The following TRMU variants were observed in gnomAD, a reference collection of about 807,000 sequenced individuals.
The protein encoded by TRMU is mitochondrial tRNA-specific 2-thiouridylase 1.
In TRMU, 49 loss-of-function variants were observed where a neutral mutation model predicts 46.9. The observed-to-expected ratio is 1.05, with a 90% CI of 0.83 to 1.33. The LOEUF is 1.33. Among genes scored for constraint, TRMU ranks in the 40% most tolerant of loss-of-function variants. The pLI is 0.00. For missense variants in TRMU, 572 were observed against 532.4 expected, an observed-to-expected ratio of 1.07 and a Z score of -0.73; for synonymous variants, 241 against 200.9, an observed-to-expected ratio of 1.20 and a Z score of -1.69.
chr22:46,342,653 T>A lies in TRMU; in HGVS notation c.249-609T>A, dbSNP rs919295408. 9.9e-5 allele frequency among the ~76,000 whole-genome samples: 15 copies of A among 151,976 alleles called. No homozygotes were observed. The highest frequency in any genetic ancestry group is 1.8e-4 in the Non-Finnish European group (12 of 67,962). On this transcript the variant is annotated intron_variant, in intron 2 of 10. Transcript: ENST00000645190. This position sits in a 1 kb window ranked among gnomAD's most constrained non-coding sequence, Gnocchi z 4.7. Reference sequence around the variant, plus strand: ...GCAACATGGCAAGACCTCATCTCTATAAAAAAAGAAAAGGTTGCAGTGGGC... The same window carrying A: ...GCAACATGGCAAGACCTCATCTCTAAAAAAAAAGAAAAGGTTGCAGTGGGC...
At position 46,355,544 on chromosome 22, in the gene TRMU, A is replaced by G. The variant is rs762664546; in HGVS notation, c.974A>G (p.Lys325Arg). 2.5e-6 allele frequency: 4 copies of G among 1,613,330 alleles called. No homozygotes were observed. In the South Asian group the frequency reaches 3.3e-5, roughly 13 times the overall value. Residue 325 changes from lysine to arginine, a missense_variant, in exon 9 of 11, where the codon AAG becomes AGG. By Grantham distance (26) the Lys-to-Arg change is conservative. Transcript: ENST00000645190. ...CCTCCCGCAGCACTGGTCCGGGACA[A>G]GATGATGGAGTGCCACTTCCGATTC... ...EEPPAALVRD[K>R]MMECHFRFRH...
Position 46,336,070 on chromosome 22 carries a change from T to G in TRMU, c.82+224T>G. 3 of 1,379,642 alleles carry G rather than the reference T, an allele frequency of 2.2e-6. No homozygotes were observed. Among genetic ancestry groups the G allele is most frequent in the Non-Finnish European group, 1.9e-6 (2 of 1,069,662 alleles). 85.5% of individuals were successfully genotyped at this position (1,379,642 alleles called of 1,614,324 possible). On this transcript the variant is annotated intron_variant, in intron 1 of 10. Transcript: ENST00000645190. The surrounding 1 kb of genome is among the most constrained non-coding windows in gnomAD (Gnocchi z 4.1). ...TGCAGCTCCGACTACCTGGGAGCAG[T>G]TCCGCGCCCCTCTCCACCCACGCGC... is the stretch of plus-strand genomic sequence containing the variant.
chr22:46,343,234 G>A (rs2078168846), intron 2 of TRMU, 28 bp from the exon 3 acceptor site: 2 of 1,468,408 alleles, frequency 1.4e-6, no homozygotes, highest in Non-Finnish European at 1.9e-6. Context: ...TTCACACTTG[G>A]AACTGAAGTC....
Position 46,355,430 on chromosome 22 carries a change from A to T in TRMU, c.874-14A>T. ...TGCCCCTCGGCGTCCCCACCTTCAC[A>T]TTCCATTCTGCAGGCCCCCCGGACA... On this transcript the variant is annotated splice_polypyrimidine_tract_variant and intron_variant, in intron 8 of 10. Coordinates refer to ENST00000645190, the MANE Select transcript of TRMU (RefSeq NM_018006.5). 6.2e-7 allele frequency: 1 copy of T among 1,612,460 alleles called. No homozygotes were observed.
intron 3 of TRMU, among the ~76,000 whole-genome samples, chr22:46,345,322 A>G (rs937889310): frequency 1.3e-5 from 2 of 152,118 alleles, no homozygotes; most frequent in African/African-American, 4.8e-5. Flanking sequence ...ATCCACCCAC[A>G]TCGGCCTCCT....
At position 46,352,649 on chromosome 22, in the gene TRMU, T is replaced by C. The variant is rs78934865; in HGVS notation, c.772+319T>C. The C allele has an allele frequency of 5.2e-3, 2,345 of 448,302 alleles. 11 individuals carry two copies. Among genetic ancestry groups the C allele is most frequent in the Non-Finnish European group, 7.3e-3 (1,753 of 241,172 alleles). 27.8% of individuals were successfully genotyped at this position (448,302 alleles called of 1,614,324 possible). A position where few individuals can be genotyped will look rare whatever the true frequency, so the allele number is the denominator to read the frequency against. Reference sequence around the variant, plus strand: ...TGATTTCCTTCCTGTGTAAGGAAAATGTTAAACTACACAAAACTCCACTCT... The same window carrying C: ...TGATTTCCTTCCTGTGTAAGGAAAACGTTAAACTACACAAAACTCCACTCT... On this transcript the variant is annotated intron_variant, in intron 7 of 10. Coordinates refer to ENST00000645190, the MANE Select transcript of TRMU (RefSeq NM_018006.5).
rs939315244 is a variant in TRMU, at chr22:46,342,143, G to A, written c.249-1119G>A. ...AGGTTGGGGGTTCAGTCCCCCAGAC[G>A]GACTCCCCCCACAACAGCAGTCGAA... On this transcript the variant is annotated intron_variant, in intron 2 of 10. Coordinates refer to ENST00000645190, the MANE Select transcript of TRMU (RefSeq NM_018006.5). This position sits in a 1 kb window ranked among gnomAD's most constrained non-coding sequence, Gnocchi z 4.7. Among the ~76,000 whole-genome samples, 4 of 152,140 alleles carry A rather than the reference G, an allele frequency of 2.6e-5. No homozygotes were observed. Among genetic ancestry groups the A allele is most frequent in the South Asian group, 2.1e-4 (1 of 4,826 alleles).
At chr22:46,355,823 A>T in intron 9 of TRMU, 167 bp from the exon 10 acceptor site, 1 of 993,590 alleles carries the variant, frequency 1.0e-6, no homozygotes, top group Non-Finnish European at 1.5e-6. Context: ...AAGTGTGTAC[A>T]CTGCCCCGCA....
rs746941484 is a variant in TRMU, at chr22:46,338,138, C to T, written c.248+194C>T. On this transcript the variant is annotated intron_variant, in intron 2 of 10. Coordinates refer to ENST00000645190, the MANE Select transcript of TRMU (RefSeq NM_018006.5). The surrounding 1 kb of genome is among the most constrained non-coding windows in gnomAD (Gnocchi z 4.5). Reference sequence around the variant, plus strand: ...GAGGCGAGGCCTGGACCCCACAGCACACCCAGCTCTCTCACTCCTGTCATT... The same window carrying T: ...GAGGCGAGGCCTGGACCCCACAGCATACCCAGCTCTCTCACTCCTGTCATT... 2 of 661,256 alleles carry T rather than the reference C, an allele frequency of 3.0e-6. No individual in the cohort carries two copies. Among genetic ancestry groups the T allele is most frequent in the Non-Finnish European group, 5.3e-6 (2 of 379,334 alleles). The allele number at this position is 661,256 out of a possible 1,614,324, so 41.0% of individuals were successfully genotyped here.
chr22:46,335,832 T>TGCTGAGGCGGAGAGGTGAGGCG lies in TRMU; in HGVS notation c.69_82+8dup, dbSNP rs762043327. 8 of 1,553,118 alleles carry TGCTGAGGCGGAGAGGTGAGGCG rather than the reference T, an allele frequency of 5.2e-6. No homozygotes were observed. The South Asian group carries it at 7.0e-5, about 14-fold the overall frequency. On this transcript the variant is annotated frameshift_variant, in exon 1 of 11. Coordinates refer to ENST00000645190, the MANE Select transcript of TRMU (RefSeq NM_018006.5). LOFTEE classifies it high-confidence loss of function. ...GTGGACAGCGCCGTGGCCGCGCTGC[T>TGCTGAGGCGGAGAGGTGAGGCG]GCTGAGGCGGAGAGGTGAGGCGTCC... is the stretch of plus-strand genomic sequence containing the variant.
chr22:46,340,150 TG>T (rs1194514199), intron 2 of TRMU, among the ~76,000 whole-genome samples: 2 of 152,158 alleles, frequency 1.3e-5, no homozygotes, highest in Non-Finnish European at 2.9e-5. Context: ...GACCGAGGTC[TG>T]GGGGCGGCCC....
At chr22:46,345,586 T>A (rs568304762) in intron 3 of TRMU, among the ~76,000 whole-genome samples, 92 of 152,192 alleles carry the variant, frequency 6.0e-4, no homozygotes, top group African/African-American at 2.1e-3. Flanking sequence ...GACCTGAGAT[T>A]TTTCTTCAAC....
Position 46,351,364 on chromosome 22 carries a change from C to A in TRMU, c.652-757C>A, listed in dbSNP as rs959834721. On this transcript the variant is annotated intron_variant, in intron 5 of 10. Coordinates refer to ENST00000645190, the MANE Select transcript of TRMU (RefSeq NM_018006.5). This position sits in a 1 kb window ranked among gnomAD's most constrained non-coding sequence, Gnocchi z 6.4. The stretch of plus-strand genomic sequence containing the variant: ...GAGTGTTGGCGGAACTAGGATGAAG[C>A]CCGTGGGAGGGCCTTGGGGATGGAG... Among the ~76,000 whole-genome samples the A allele has an allele frequency of 6.6e-6, 1 of 152,172 alleles. No individual in the cohort carries two copies. Among genetic ancestry groups the A allele is most frequent in the Non-Finnish European group, 1.5e-5 (1 of 68,016 alleles).
At position 46,347,677 on chromosome 22, in the gene TRMU, C is replaced by T. The variant is rs1267394419; in HGVS notation, c.478+1133C>T. ...ACACGTTTCACATCACTCCTCTTAG[C>T]AGTCCATGAGGTGTATGCTCTCATC... On this transcript the variant is annotated intron_variant, in intron 4 of 10. Coordinates refer to ENST00000645190, the MANE Select transcript of TRMU (RefSeq NM_018006.5). The surrounding 1 kb of genome is among the most constrained non-coding windows in gnomAD (Gnocchi z 5.0). 6.6e-6 allele frequency among the ~76,000 whole-genome samples: 1 copy of T among 152,198 alleles called. No individual in the cohort carries two copies. Among genetic ancestry groups the T allele is most frequent in the Admixed American group, 6.5e-5 (1 of 15,282 alleles).
Position 46,350,399 on chromosome 22 carries a change from C to A in TRMU, c.587C>A (p.Thr196Lys), listed in dbSNP as rs755416025. The A allele has an allele frequency of 2.5e-6, 4 of 1,614,044 alleles. No individual in the cohort carries two copies. The South Asian group carries it at 3.3e-5, about 13-fold the overall frequency. The change falls in exon 5 of 11, where the codon ACG (threonine) becomes AAG (lysine). Residue 196 changes from threonine (T) to lysine (K), a missense_variant. By Grantham distance (78) the Thr-to-Lys change is moderately conservative. Coordinates refer to ENST00000645190, the MANE Select transcript of TRMU (RefSeq NM_018006.5). This position sits in a 1 kb window ranked among gnomAD's most constrained non-coding sequence, Gnocchi z 4.6. ...ACCATCTTCCCTCTGGGGGGATTAA[C>A]GAAAGAGTTTGTAAAGAAAATCGCT... The part of the protein sequence containing the change: ...RRTIFPLGGL[T>K]KEFVKKIAAE...
In TRMU at chr22:46,337,793, G is replaced by T; in HGVS notation, c.97G>T (p.Gly33Trp). The T allele has an allele frequency of 6.2e-7, 1 of 1,614,184 alleles. No homozygotes were observed. Among genetic ancestry groups the T allele is most frequent in the Non-Finnish European group, 8.5e-7 (1 of 1,180,012 alleles). ...CCCGCCCGCAGGTTACCAGGTGACA[G>T]GGGTGTTTATGAAGAACTGGGACTC... Reference protein sequence around the residue: ...LLRRRGYQVTGVFMKNWDSLD... With the variant: ...LLRRRGYQVTWVFMKNWDSLD... The change falls in exon 2 of 11, where the codon GGG becomes TGG. Residue 33 changes from glycine to tryptophan, a missense_variant. By Grantham distance (184) the Gly-to-Trp change is radical. Coordinates refer to ENST00000645190, the MANE Select transcript of TRMU (RefSeq NM_018006.5).
chr22:46,338,096 C>A lies in TRMU; in HGVS notation c.248+152C>A. 9.5e-7 allele frequency: 1 copy of A among 1,053,232 alleles called. No individual in the cohort carries two copies. The highest frequency in any genetic ancestry group is 2.4e-5 in the East Asian group (1 of 40,832). 65.2% of individuals were successfully genotyped at this position (1,053,232 alleles called of 1,614,324 possible). ...AAGACTGCAAGAGGCCTCAGCCACC[C>A]TCGGGGCTCTGTGTTAGAGGCGAGG... On this transcript the variant is annotated intron_variant, in intron 2 of 10. Coordinates refer to ENST00000645190, the MANE Select transcript of TRMU (RefSeq NM_018006.5). The surrounding 1 kb of genome is among the most constrained non-coding windows in gnomAD (Gnocchi z 4.5).
rs936018029 is a variant in TRMU, at chr22:46,339,975, A to G, written c.248+2031A>G. Among the ~76,000 whole-genome samples, 2 of 151,810 alleles carry G rather than the reference A, an allele frequency of 1.3e-5. No individual in the cohort carries two copies. Among genetic ancestry groups the G allele is most frequent in the African/African-American group, 2.4e-5 (1 of 41,306 alleles). ...AGTGTGGCGGCCAAATACAGGATAA[A>G]TCTGGGGGAAGACCAAAGGCAGAGA... On this transcript the variant is annotated intron_variant, in intron 2 of 10. Coordinates refer to ENST00000645190, the MANE Select transcript of TRMU (RefSeq NM_018006.5). This position sits in a 1 kb window ranked among gnomAD's most constrained non-coding sequence, Gnocchi z 4.8.
chr22:46,355,932 C>A, intron 9 of TRMU, 58 bp from the exon 10 acceptor site: 2 of 1,589,248 alleles, frequency 1.3e-6, no homozygotes, highest in South Asian at 1.1e-5. Context: ...TCCCTGGGGG[C>A]CTGAGGTCGA....
Sources: gnomAD v4.1 joint callset for allele counts (sites outside exome capture counted in the v4.1 genomes callset) on GRCh38, gnomAD v4.1.1 for gene constraint, Gnocchi (gnomAD v3.1) non-coding constraint, MANE v1.5 for transcripts, NCBI Gene and HGNC (gene_info 2026-07-23, HGNC 2026-07-21) for gene names.